Variants in GPATCH2 observed in about 807,000 individuals in gnomAD.
The protein encoded by GPATCH2 is G-patch domain containing 2.
A neutral mutation model predicts 58.0 loss-of-function variants in GPATCH2; 51 were observed. That is an observed-to-expected ratio of 0.88 (90% CI 0.70 to 1.11). The LOEUF (loss-of-function observed/expected upper bound fraction) is 1.11. Ranked by LOEUF, GPATCH2 falls within the 50% of genes most tolerant of loss-of-function variation. The pLI is 0.00. For missense variants in GPATCH2, 625 were observed against 652.2 expected (o/e 0.96, Z 0.45); for synonymous variants, 222 against 218.5 (o/e 1.02, Z -0.14).
At chr1:217,477,857 T>C (rs1167519031) in intron 8 of GPATCH2, among the ~76,000 whole-genome samples, 1 of 152,194 alleles carries the variant, frequency 6.6e-6, no homozygotes, top group Admixed American at 6.5e-5. Flanking sequence ...TGAGACCTAA[T>C]GCTGTGCTGG....
chr1:217,562,615 C>G (rs1191774960), intron 5 of GPATCH2, among the ~76,000 whole-genome samples: 1 of 152,174 alleles, frequency 6.6e-6, no homozygotes, highest in Non-Finnish European at 1.5e-5. Flanking sequence ...TACCAGTGGT[C>G]TAATCTGAAA....
chr1:217,449,427 CG>C, intron 8 of GPATCH2, 90 bp from the exon 9 acceptor site: 3 of 782,014 alleles, frequency 3.8e-6, no homozygotes, highest in Non-Finnish European at 6.7e-6. Context: ...TAAATCAAAA[CG>C]TTCTCAACAA....
rs1182200584 is a variant in GPATCH2 at position 217,493,013 on chromosome 1, G to A, written c.1207-1263C>T. 2.0e-5 allele frequency among the ~76,000 whole-genome samples: 3 copies of A among 152,096 alleles called. No individual in the cohort carries two copies. In the East Asian group the frequency reaches 5.8e-4, roughly 29 times the overall value. ...CCTTCCTTAGATGATCAAGAATATGGTTAGGCTCATTCTTTCAGGAACGTC... is the reference window on the plus strand; with the variant it reads ...CCTTCCTTAGATGATCAAGAATATGATTAGGCTCATTCTTTCAGGAACGTC... On this transcript the variant is annotated intron_variant, in intron 7 of 9. Coordinates refer to ENST00000366935, the MANE Select transcript of GPATCH2 (RefSeq NM_018040.5).
intron 7 of GPATCH2, among the ~76,000 whole-genome samples, chr1:217,494,841 C>T (rs922694102): frequency 9.2e-5 from 14 of 151,920 alleles, no homozygotes; most frequent in African/African-American, 3.4e-4. Flanking sequence ...TAAGCAAGAG[C>T]AGCTCAAAAG....
chr1:217,591,504 C>G (rs1018192025), intron 5 of GPATCH2, among the ~76,000 whole-genome samples: 1 of 152,082 alleles, frequency 6.6e-6, no homozygotes, highest in African/African-American at 2.4e-5. Context: ...CCAGAAATAA[C>G]TAAACCCTGG....
intron 8 of GPATCH2, among the ~76,000 whole-genome samples, chr1:217,479,391 C>T (rs1661115957): frequency 6.6e-6 from 1 of 152,048 alleles, no homozygotes; most frequent in South Asian, 2.1e-4. Flanking sequence ...GAGGTTGAGG[C>T]ATAGTTTTTA....
At chr1:217,554,651 A>G (rs1163437459) in intron 5 of GPATCH2, among the ~76,000 whole-genome samples, 1 of 152,218 alleles carries the variant, frequency 6.6e-6, no homozygotes, top group African/African-American at 2.4e-5. Flanking sequence ...CCAGAAGTCA[A>G]ACTAGTCTAA....
At chr1:217,445,392 C>G (rs527427242) in intron 9 of GPATCH2, among the ~76,000 whole-genome samples, 23 of 152,200 alleles carry the variant, frequency 1.5e-4, no homozygotes, top group African/African-American at 5.3e-4. Flanking sequence ...ATGCCTTCTA[C>G]CAAAAACATG....
chr1:217,444,441 T>C (rs1418096014), intron 9 of GPATCH2, among the ~76,000 whole-genome samples: 1 of 152,258 alleles, frequency 6.6e-6, no homozygotes, highest in African/African-American at 2.4e-5. Context: ...TGTAAAAAGA[T>C]GGCTTCAAAT....
intron 5 of GPATCH2, among the ~76,000 whole-genome samples, chr1:217,532,093 A>G (rs1664221210): frequency 6.6e-6 from 1 of 152,164 alleles, no homozygotes; most frequent in Admixed American, 6.5e-5. Context: ...CCGGTACACA[A>G]ACAGAATCCC....
At chr1:217,533,394 C>A (rs187758424) in intron 5 of GPATCH2, among the ~76,000 whole-genome samples, 16 of 152,224 alleles carry the variant, frequency 1.1e-4, no homozygotes, top group Non-Finnish European at 1.6e-4. Context: ...TACCACTGCA[C>A]AGTTGTGAAA....
At chr1:217,449,216 T>C in intron 9 of GPATCH2, 33 bp downstream of exon 9, 1 of 1,075,270 alleles carries the variant, frequency 9.3e-7, no homozygotes, top group Non-Finnish European at 1.4e-6. Flanking sequence ...AACTCTACAT[T>C]TGTGCTCCAC....
At chr1:217,509,431 AAACT>A (rs1438869756) in intron 6 of GPATCH2, among the ~76,000 whole-genome samples, 1 of 152,170 alleles carries the variant, frequency 6.6e-6, no homozygotes, top group African/African-American at 2.4e-5. Flanking sequence ...GTAAAATACA[AAACT>A]AACCTGCAAT....
At chr1:217,530,842 G>A (rs1365505384) in intron 5 of GPATCH2, among the ~76,000 whole-genome samples, 2 of 152,110 alleles carry the variant, frequency 1.3e-5, no homozygotes, top group Non-Finnish European at 2.9e-5. Context: ...TTCAATTAGT[G>A]TAAAGGTCAT....
At chr1:217,602,969 G>A (rs1157287808) in intron 5 of GPATCH2, among the ~76,000 whole-genome samples, 5 of 151,878 alleles carry the variant, frequency 3.3e-5, no homozygotes, top group African/African-American at 7.3e-5. Flanking sequence ...CTTCCAAATC[G>A]TATTAATTTT....
At chr1:217,465,017 G>C (rs1052484845) in intron 8 of GPATCH2, among the ~76,000 whole-genome samples, 7 of 152,016 alleles carry the variant, frequency 4.6e-5, no homozygotes, top group Non-Finnish European at 8.8e-5. Flanking sequence ...CACAACTAGA[G>C]AGGTTGAGAA....
chr1:217,456,265 G>C (rs1281955314), intron 8 of GPATCH2, among the ~76,000 whole-genome samples: 2 of 152,130 alleles, frequency 1.3e-5, no homozygotes, highest in Non-Finnish European at 1.5e-5. Flanking sequence ...CCCACCCCTA[G>C]ATGCTACTGT....
At chr1:217,499,613 G>C (rs1376496398) in intron 6 of GPATCH2, among the ~76,000 whole-genome samples, 13 of 152,040 alleles carry the variant, frequency 8.6e-5, no homozygotes. Flanking sequence ...CCAGTGATGG[G>C]GGAATGTACA....
At chr1:217,626,936 CA>C (rs1400262978) in intron 1 of GPATCH2, among the ~76,000 whole-genome samples, 3 of 150,432 alleles carry the variant, frequency 2.0e-5, no homozygotes, top group Non-Finnish European at 4.4e-5. Flanking sequence ...TGATTAATTA[CA>C]ACTTTACATT....
Sources: gnomAD v4.1 joint callset for allele counts (sites outside exome capture counted in the v4.1 genomes callset) on GRCh38, gnomAD v4.1.1 for gene constraint, MANE v1.5 for transcripts, NCBI Gene and HGNC (gene_info 2026-07-23, HGNC 2026-07-21) for gene names.